Variants in SIRT1 observed in about 807,000 individuals in gnomAD.
The protein encoded by SIRT1 is sirtuin 1, also known as NAD-dependent protein deacetylase sirtuin-1.
In SIRT1, 24 loss-of-function variants were observed where a neutral mutation model predicts 67.9. The ratio of observed to expected loss-of-function variants is 0.35; its 90% CI spans 0.26 to 0.50. The LOEUF (loss-of-function observed/expected upper bound fraction) is 0.50, where lower values mean the gene tolerates loss of function less well. Ranked by LOEUF, SIRT1 falls within the 20% of genes least tolerant of loss-of-function variation. The probability of loss-of-function intolerance (pLI) is 0.98; values close to 1 mark genes in which losing one functional copy is unlikely to be tolerated. For synonymous variants in SIRT1, 378 were observed against 350.7 expected (o/e 1.08, Z -0.87); for missense variants, 873 against 937.2 (o/e 0.93, Z 0.89).
chr10:67,912,179 C>CGG (rs1842910777), intron 7 of SIRT1, among the ~76,000 whole-genome samples: 1 of 152,168 alleles, frequency 6.6e-6, no homozygotes, highest in Non-Finnish European at 1.5e-5. Context: ...GTACTATTAT[C>CGG]ATCCCCATTC....
At chr10:67,900,115 AAAAT>A (rs1389473958) in intron 4 of SIRT1, among the ~76,000 whole-genome samples, 9 of 152,146 alleles carry the variant, frequency 5.9e-5, no homozygotes, top group African/African-American at 2.2e-4. Context: ...TAAAATTATA[AAAAT>A]AAAGCAGCAC....
chr10:67,898,150 T>C (rs1004072579), intron 4 of SIRT1, among the ~76,000 whole-genome samples: 1 of 149,688 alleles, frequency 6.7e-6, no homozygotes, highest in Non-Finnish European at 1.5e-5. Context: ...TCCCAGCTAC[T>C]CAGGAGGCTG....
chr10:67,890,735 GAA>G (rs1159445613), intron 3 of SIRT1, among the ~76,000 whole-genome samples: 1 of 148,594 alleles, frequency 6.7e-6, no homozygotes, highest in African/African-American at 2.5e-5. Flanking sequence ...TGTCTAAAAA[GAA>G]AAAAAACAAA....
chr10:67,885,589 C>T (rs1277995985), intron 1 of SIRT1, among the ~76,000 whole-genome samples: 1 of 90,550 alleles, frequency 1.1e-5, no homozygotes, highest in African/African-American at 4.2e-5. Context: ...TTTTCAATTG[C>T]TTTTTGCAAA....
chr10:67,889,010 A>G lies in SIRT1; in HGVS notation c.676A>G (p.Asn226Asp), dbSNP rs1353054670. Residue 226 changes from asparagine to aspartate, a missense_variant, in exon 3 of 9, where the codon AAT (asparagine) becomes GAT (aspartate). Physicochemically the swap from Asn to Asp is conservative, Grantham distance 23. Coordinates refer to ENST00000212015, the MANE Select transcript of SIRT1 (RefSeq NM_012238.5). ...TATGACACTGTGGCAGATTGTTATT[A>G]ATATCCTTTCAGAACCACCAAAAAG... Reference protein sequence around the residue: ...DDMTLWQIVINILSEPPKRKK... With the variant: ...DDMTLWQIVIDILSEPPKRKK... 3.1e-6 allele frequency: 5 copies of G among 1,613,924 alleles called. No individual in the cohort carries two copies.
intron 4 of SIRT1, among the ~76,000 whole-genome samples, chr10:67,900,451 C>G (rs1019205121): frequency 6.6e-6 from 1 of 151,442 alleles, no homozygotes; most frequent in East Asian, 2.0e-4. Flanking sequence ...GGCTCAACAT[C>G]TTATTGTTTG....
At chr10:67,903,979 G>C (rs569202939) in intron 4 of SIRT1, among the ~76,000 whole-genome samples, 3 of 152,192 alleles carry the variant, frequency 2.0e-5, no homozygotes, top group Admixed American at 1.3e-4. Context: ...TTTCACCATG[G>C]AAGAGTTAAT....
chr10:67,908,296 T>G (rs573030428), intron 6 of SIRT1, among the ~76,000 whole-genome samples, 171 bp downstream of exon 6: 1 of 152,334 alleles, frequency 6.6e-6, no homozygotes, highest in South Asian at 2.1e-4. Flanking sequence ...TTCAATACCT[T>G]ATATAGAAAA....
At chr10:67,890,985 G>T (rs926019342) in intron 3 of SIRT1, among the ~76,000 whole-genome samples, 1 of 144,538 alleles carries the variant, frequency 6.9e-6, no homozygotes. Context: ...AGCCGAGATC[G>T]CACCACTGCA....
At chr10:67,905,611 C>T (rs1224734611) in intron 4 of SIRT1, among the ~76,000 whole-genome samples, 1 of 152,064 alleles carries the variant, frequency 6.6e-6, no homozygotes, top group African/African-American at 2.4e-5. Flanking sequence ...CATCTTTAAT[C>T]TCTATTAAAC....
At chr10:67,906,096 G>A (rs1323698799) in intron 4 of SIRT1, 2 of 1,254,602 alleles carry the variant, frequency 1.6e-6, no homozygotes, top group Non-Finnish European at 1.0e-6. Context: ...AAGTTGGGAG[G>A]ACCAAAATTG....
rs772520587 is a variant in SIRT1 at position 67,884,736 on chromosome 10, G to T, written c.15G>T (p.Ala5=). The change falls in exon 1 of 9, where the codon GCG becomes GCT. Residue 5 remains alanine (A), a synonymous_variant. Transcript: ENST00000212015. ...GCAGTTGGAAGATGGCGGACGAGGC[G>T]GCCCTCGCCCTTCAGCCCGGCGGCT... MADE[A]ALALQPGGSP... The T allele has an allele frequency of 1.3e-5, 16 of 1,229,110 alleles. No individual in the cohort carries two copies. The highest frequency in any genetic ancestry group is 1.6e-5 in the Non-Finnish European group (16 of 986,272). 76.1% of individuals were successfully genotyped at this position (1,229,110 alleles called of 1,614,324 possible). A position where few individuals can be genotyped will look rare whatever the true frequency, so the allele number is the denominator to read the frequency against.
intron 4 of SIRT1, among the ~76,000 whole-genome samples, chr10:67,901,712 T>C (rs553144563): frequency 7.2e-5 from 11 of 152,384 alleles, no homozygotes; most frequent in African/African-American, 2.4e-4. Flanking sequence ...TGACATTCTC[T>C]TGTGTTAGGT....
Position 67,917,784 on chromosome 10 carries a change from CTTTA to C in SIRT1, c.*1196_*1199del, listed in dbSNP as rs1342553131. On this transcript the variant is annotated 3_prime_UTR_variant, in exon 9 of 9. Coordinates refer to ENST00000212015, the MANE Select transcript of SIRT1 (RefSeq NM_012238.5). ...AATGAAACTAGTTCTTATAATTTAT[CTTTA>C]TTTAAAAGCTTAGCCTGCCTTAAAA... 1 of 152,554 alleles carries C rather than the reference CTTTA, an allele frequency of 6.6e-6. No homozygotes were observed. The highest frequency in any genetic ancestry group is 1.5e-5 in the Non-Finnish European group (1 of 68,016). The allele number at this position is 152,554 out of a possible 1,614,324, so 9.5% of individuals were successfully genotyped here.
intron 4 of SIRT1, among the ~76,000 whole-genome samples, chr10:67,894,215 TA>T (rs1842619014): frequency 6.6e-6 from 1 of 152,228 alleles, no homozygotes; most frequent in Admixed American, 6.5e-5. Flanking sequence ...ATATGATTAC[TA>T]AACTGAATTT....
chr10:67,893,542 T>C (rs1218942501), intron 4 of SIRT1, among the ~76,000 whole-genome samples: 1 of 125,702 alleles, frequency 8.0e-6, no homozygotes, highest in East Asian at 2.0e-4. Flanking sequence ...TGAACCTAGC[T>C]TTTTTTTTTT....
intron 4 of SIRT1, among the ~76,000 whole-genome samples, chr10:67,902,689 A>G (rs562700569): frequency 6.6e-6 from 1 of 152,290 alleles, no homozygotes; most frequent in East Asian, 1.9e-4. Context: ...CTATTTTCTC[A>G]GCAACTCTAC....
At chr10:67,915,439 A>C (rs1323474327) in intron 8 of SIRT1, among the ~76,000 whole-genome samples, 1 of 152,222 alleles carries the variant, frequency 6.6e-6, no homozygotes, top group Non-Finnish European at 1.5e-5. Context: ...CTGTAGAAAG[A>C]ACTTCATTGG....
chr10:67,885,164 C>T lies in SIRT1; in HGVS notation c.430+13C>T, dbSNP rs747188800. The T allele has an allele frequency of 6.6e-6, 9 of 1,372,968 alleles. No individual in the cohort carries two copies. Among genetic ancestry groups the T allele is most frequent in the African/African-American group, 3.0e-5 (2 of 65,754 alleles). The allele number at this position is 1,372,968 out of a possible 1,614,324, so 85.0% of individuals were successfully genotyped here. A position where few individuals can be genotyped will look rare whatever the true frequency, so the allele number is the denominator to read the frequency against. On this transcript the variant is annotated intron_variant, in intron 1 of 8. Transcript: ENST00000212015. ...ATTGGGTACCGAGGTGCGCAGGGTG[C>T]GGGCGGCCGGAACTGCGCATCTCCT...
Sources: gnomAD v4.1 joint callset for allele counts (sites outside exome capture counted in the v4.1 genomes callset) on GRCh38, gnomAD v4.1.1 for gene constraint, MANE v1.5 for transcripts, NCBI Gene and HGNC (gene_info 2026-07-23, HGNC 2026-07-21) for gene names.